GLIS3: variants seen among roughly 807,000 people sequenced by gnomAD.
GLIS3 encodes the protein zinc finger protein GLIS3.
Under a neutral mutation model 78.6 loss-of-function variants are expected in GLIS3, and 53 were observed. The observed-to-expected ratio is 0.67, with a 90% CI of 0.54 to 0.85. The LOEUF (loss-of-function observed/expected upper bound fraction) is 0.85, where lower values mean the gene tolerates loss of function less well. Among genes scored for constraint, GLIS3 ranks in the 40% least tolerant of loss-of-function variants. The pLI, the probability that GLIS3 is intolerant of heterozygous loss-of-function variation, is 0.00. For missense variants in GLIS3, 1,703 were observed against 1,231.1 expected, an observed-to-expected ratio of 1.38 and a Z score of -5.74; for synonymous variants, 684 against 509.9, an observed-to-expected ratio of 1.34 and a Z score of -4.60.
chr9:3,912,878 G>A (rs1824246043), intron 6 of GLIS3, among the ~76,000 whole-genome samples: 1 of 152,184 alleles, frequency 6.6e-6, no homozygotes, highest in Non-Finnish European at 1.5e-5. Flanking sequence ...AAGACTCAAA[G>A]CAAGATGAAG....
chr9:4,435,477 G>A, the GLIS3 span, among the ~76,000 whole-genome samples: 2 of 152,076 alleles, frequency 1.3e-5, no homozygotes, highest in Non-Finnish European at 2.9e-5. Context: ...TCCCTTCTCC[G>A]CATCTCCTGA....
chr9:4,258,291 C>G lies in GLIS3; in HGVS notation c.388+27747G>C, dbSNP rs920107348. The stretch of plus-strand genomic sequence containing the variant: ...AAAGATCCATAAAGAATAGTGAAAT[C>G]TGAATAAAGTCTACAGTTTTAGTTT... On this transcript the variant is annotated intron_variant, in intron 2 of 10. Transcript: ENST00000381971. 3.3e-5 allele frequency among the ~76,000 whole-genome samples: 5 copies of G among 152,032 alleles called. No homozygotes were observed. The South Asian group carries it at 1.0e-3, about 32-fold the overall frequency.
intron 4 of GLIS3, among the ~76,000 whole-genome samples, chr9:4,068,053 A>G (rs138454220): frequency 1.7e-4 from 26 of 152,288 alleles, no homozygotes; most frequent in Middle Eastern, 3.4e-3. Flanking sequence ...AAAACCTGCA[A>G]CTAGTAGAGA....
the GLIS3 span, among the ~76,000 whole-genome samples, chr9:4,452,363 G>C: frequency 7.7e-3 from 1,177 of 152,206 alleles, 17 homozygotes; most frequent in South Asian, 0.042. Flanking sequence ...TGTTCAAATA[G>C]GAAGACAGGA....
intron 2 of GLIS3, among the ~76,000 whole-genome samples, chr9:4,235,022 G>T (rs2131376443): frequency 6.6e-6 from 1 of 152,284 alleles, no homozygotes; most frequent in Non-Finnish European, 1.5e-5. Context: ...GAGGGAGCCA[G>T]GCGCGGTGGC....
At chr9:4,191,377 C>A (rs183851878) in intron 2 of GLIS3, among the ~76,000 whole-genome samples, 21 of 152,190 alleles carry the variant, frequency 1.4e-4, no homozygotes, top group Middle Eastern at 6.8e-3. Context: ...TCATAAAAAT[C>A]GTTATCATAA....
At chr9:4,240,260 A>G (rs1019932875) in intron 2 of GLIS3, among the ~76,000 whole-genome samples, 4 of 152,064 alleles carry the variant, frequency 2.6e-5, no homozygotes, top group Non-Finnish European at 5.9e-5. Context: ...TAGTTAGATT[A>G]TCATAAGGAA....
chr9:4,329,693 C>T (rs903495056), intron 2 of GLIS3, among the ~76,000 whole-genome samples: 2 of 152,136 alleles, frequency 1.3e-5, no homozygotes, highest in Admixed American at 6.5e-5. Flanking sequence ...TGCCCACCCA[C>T]CTGATATGCG....
chr9:4,289,187 T>A (rs886639180), intron 1 of GLIS3, among the ~76,000 whole-genome samples: 4 of 152,182 alleles, frequency 2.6e-5, no homozygotes, highest in African/African-American at 9.7e-5. Context: ...TTTTCTGGAC[T>A]TACAGTTTTT....
chr9:4,038,070 A>C (rs1292183810), intron 4 of GLIS3, among the ~76,000 whole-genome samples: 2 of 152,192 alleles, frequency 1.3e-5, no homozygotes, highest in Admixed American at 6.5e-5. Flanking sequence ...GAGGGAGAAG[A>C]ACATCTTTCC....
At chr9:4,462,628 C>T in the GLIS3 span, among the ~76,000 whole-genome samples, 1 of 144,716 alleles carries the variant, frequency 6.9e-6, no homozygotes, top group African/African-American at 2.7e-5. Flanking sequence ...CACACACACA[C>T]ACACAGACAC....
At chr9:4,106,386 T>C (rs1261164185) in intron 4 of GLIS3, among the ~76,000 whole-genome samples, 1 of 152,144 alleles carries the variant, frequency 6.6e-6, no homozygotes. Flanking sequence ...TAAACGTTTC[T>C]AAGAAGGGCG....
the GLIS3 span, among the ~76,000 whole-genome samples, chr9:4,454,191 G>C: frequency 3.4e-5 from 5 of 148,672 alleles, no homozygotes; most frequent in African/African-American, 1.2e-4. Context: ...AAAAACCAGA[G>C]ACAGGGTATC....
intron 8 of GLIS3, among the ~76,000 whole-genome samples, chr9:3,858,806 G>A (rs1439797492): frequency 6.6e-6 from 1 of 152,166 alleles, no homozygotes; most frequent in African/African-American, 2.4e-5. Context: ...GAACAAGGAA[G>A]TAGATAGGAA....
chr9:4,360,905 A>T, the GLIS3 span, among the ~76,000 whole-genome samples: 2 of 152,214 alleles, frequency 1.3e-5, no homozygotes, highest in East Asian at 3.8e-4. Context: ...TGACAAGAGG[A>T]AACAGAGGAA....
At chr9:4,466,179 T>G in the GLIS3 span, among the ~76,000 whole-genome samples, 3 of 152,160 alleles carry the variant, frequency 2.0e-5, no homozygotes, top group Non-Finnish European at 4.4e-5. Context: ...ATGAACAACT[T>G]TATGCCAATA....
intron 2 of GLIS3, among the ~76,000 whole-genome samples, chr9:4,162,832 G>A (rs959251905): frequency 1.5e-5 from 2 of 133,762 alleles, no homozygotes; most frequent in African/African-American, 5.9e-5. Flanking sequence ...ACTCCAGCCC[G>A]GGCGACAGAG....
At chr9:4,191,670 A>C (rs919440467) in intron 2 of GLIS3, among the ~76,000 whole-genome samples, 1 of 152,206 alleles carries the variant, frequency 6.6e-6, no homozygotes, top group African/African-American at 2.4e-5. Context: ...CCTTACAGTT[A>C]GAAAGCATTT....
chr9:4,003,744 C>G (rs73641246), intron 4 of GLIS3, among the ~76,000 whole-genome samples: 1 of 152,142 alleles, frequency 6.6e-6, no homozygotes, highest in African/African-American at 2.4e-5. Flanking sequence ...TAATAAAGTT[C>G]CCAGGACAGT....
Sources: gnomAD v4.1 joint callset for allele counts (sites outside exome capture counted in the v4.1 genomes callset) on GRCh38, gnomAD v4.1.1 for gene constraint, MANE v1.5 for transcripts, NCBI Gene and HGNC (gene_info 2026-07-23, HGNC 2026-07-21) for gene names.